DNAJB6: variants seen among roughly 807,000 people sequenced by gnomAD.
DNAJB6 encodes the protein DnaJ heat shock protein family (Hsp40) member B6, also known as dnaJ homolog subfamily B member 6.
A neutral mutation model predicts 42.7 loss-of-function variants in DNAJB6; 16 were observed. The ratio of observed to expected loss-of-function variants is 0.37; its 90% CI spans 0.25 to 0.57. The LOEUF (loss-of-function observed/expected upper bound fraction) is 0.57, where lower values mean the gene tolerates loss of function less well. Ranked by LOEUF, DNAJB6 falls within the 20% of genes least tolerant of loss-of-function variation. The pLI is 0.74. For missense variants in DNAJB6, 347 were observed against 416.8 expected, an observed-to-expected ratio of 0.83 and a Z score of 1.46; for synonymous variants, 170 against 163.5, an observed-to-expected ratio of 1.04 and a Z score of -0.30.
chr7:157,369,659 CA>C (rs1563127979), intron 5 of DNAJB6, among the ~76,000 whole-genome samples: 2 of 145,584 alleles, frequency 1.4e-5, no homozygotes, highest in African/African-American at 5.3e-5. Context: ...TATTATTAAA[CA>C]GGCCCCTTCT....
chr7:157,371,863 C>T (rs1170043539), intron 5 of DNAJB6, among the ~76,000 whole-genome samples: 3 of 152,206 alleles, frequency 2.0e-5, no homozygotes, highest in African/African-American at 7.2e-5. Flanking sequence ...CTGGGAAAAG[C>T]CTGTGGGTTT....
chr7:157,409,972 G>C lies in DNAJB6; in HGVS notation c.869G>C (p.Gly290Ala), dbSNP rs765439077. 18 of 1,534,936 alleles carry C rather than the reference G, an allele frequency of 1.2e-5. No individual in the cohort carries two copies. The African/African-American group carries it at 2.5e-4, about 21-fold the overall frequency. The change falls in exon 9 of 10, where the codon GGG becomes GCG. Residue 290 changes from glycine to alanine, a missense_variant. Gly to Ala is a moderately conservative substitution (Grantham distance 60, BLOSUM62 0). Coordinates refer to ENST00000262177, the MANE Select transcript of DNAJB6 (RefSeq NM_058246.4). ...GAGCAGGACCGACCTCGGGCACCCG[G>C]GCCCTGGGACCCCCTCGCGTCCGCA... ...EGEQDRPRAP[G>A]PWDPLASAAG... is the part of the protein sequence containing the mutation.
intron 2 of DNAJB6, among the ~76,000 whole-genome samples, chr7:157,361,203 G>C (rs1276139926): frequency 6.6e-6 from 1 of 150,906 alleles, no homozygotes; most frequent in Non-Finnish European, 1.5e-5. Flanking sequence ...ATGTCACCCA[G>C]GCTGGAGTTC....
chr7:157,345,143 G>A (rs941759523), intron 1 of DNAJB6, among the ~76,000 whole-genome samples: 2 of 151,808 alleles, frequency 1.3e-5, no homozygotes, highest in African/African-American at 2.4e-5. Flanking sequence ...ACAGGCGCCC[G>A]CCACCACACC....
chr7:157,356,828 G>A (rs1799301483), intron 1 of DNAJB6, among the ~76,000 whole-genome samples: 1 of 152,118 alleles, frequency 6.6e-6, no homozygotes, highest in Admixed American at 6.5e-5. Flanking sequence ...CTTGTAGTTG[G>A]CATATTAAAC....
At chr7:157,363,022 G>T (rs1799680644) in intron 2 of DNAJB6, 139 bp from the exon 3 acceptor site, 1 of 551,820 alleles carries the variant, frequency 1.8e-6, no homozygotes, top group Admixed American at 3.1e-5. Context: ...AGAGGAAAGG[G>T]AGGTTTTACA....
intron 5 of DNAJB6, chr7:157,380,695 A>T (rs1050185306): frequency 6.6e-6 from 1 of 152,156 alleles, no homozygotes; most frequent in Admixed American, 6.5e-5. Flanking sequence ...TCTCTTGGCC[A>T]CCTTTTCCAA....
At chr7:157,374,516 C>T (rs1433323910) in intron 5 of DNAJB6, among the ~76,000 whole-genome samples, 2 of 152,166 alleles carry the variant, frequency 1.3e-5, no homozygotes. Flanking sequence ...ACCTCGGCCA[C>T]CCAGAGTGCT....
intron 6 of DNAJB6, 53 bp downstream of exon 6, chr7:157,382,430 T>C (rs1160238080): frequency 8.4e-6 from 13 of 1,538,746 alleles, no homozygotes; most frequent in Middle Eastern, 2.4e-4. Flanking sequence ...TTAGTACTTA[T>C]AAAATCATAA....
At chr7:157,395,830 A>G (rs1801558516) in intron 8 of DNAJB6, among the ~76,000 whole-genome samples, 1 of 146,180 alleles carries the variant, frequency 6.8e-6, no homozygotes, top group Non-Finnish European at 1.5e-5. Context: ...TTCTTTTTAT[A>G]TTTTCAGTAG....
chr7:157,366,146 TCA>T (rs1799834055), intron 3 of DNAJB6, among the ~76,000 whole-genome samples: 1 of 152,118 alleles, frequency 6.6e-6, no homozygotes, highest in South Asian at 2.1e-4. Flanking sequence ...AGATGAGGTT[TCA>T]CCATATTGGC....
chr7:157,407,573 T>C (rs1795818124), intron 8 of DNAJB6, among the ~76,000 whole-genome samples: 1 of 152,046 alleles, frequency 6.6e-6, no homozygotes, highest in African/African-American at 2.4e-5. Context: ...TCCCTTCGTC[T>C]CTCCTCTCTC....
At chr7:157,354,473 T>A (rs534036447) in intron 1 of DNAJB6, among the ~76,000 whole-genome samples, 310 of 121,792 alleles carry the variant, frequency 2.5e-3, no homozygotes, top group African/African-American at 7.1e-3. Context: ...AATTTTTTTT[T>A]TAAAAAAATT....
At chr7:157,370,281 G>T (rs1304983207) in intron 5 of DNAJB6, among the ~76,000 whole-genome samples, 1 of 136,234 alleles carries the variant, frequency 7.3e-6, no homozygotes, top group Non-Finnish European at 1.6e-5. Context: ...TTTCATTAAC[G>T]TTATTATTAA....
At chr7:157,404,247 G>A (rs1288526808) in intron 8 of DNAJB6, among the ~76,000 whole-genome samples, 3 of 151,534 alleles carry the variant, frequency 2.0e-5, no homozygotes, top group African/African-American at 7.3e-5. Context: ...GTGCTGGGAT[G>A]ACAGGTGTGA....
intron 8 of DNAJB6, among the ~76,000 whole-genome samples, chr7:157,399,438 C>T (rs117678272): frequency 2.0e-5 from 3 of 152,346 alleles, no homozygotes; most frequent in Non-Finnish European, 2.9e-5. Context: ...GTTAGGACGG[C>T]ATTTTCACTG....
chr7:157,387,190 T>C (rs914711708), intron 8 of DNAJB6, among the ~76,000 whole-genome samples: 4 of 152,042 alleles, frequency 2.6e-5, no homozygotes, highest in African/African-American at 9.7e-5. Context: ...GTAAAAAATA[T>C]TTTAAGGAAT....
At chr7:157,379,260 C>G (rs576804793) in intron 5 of DNAJB6, 5 of 152,254 alleles carry the variant, frequency 3.3e-5, no homozygotes, top group African/African-American at 9.6e-5. Context: ...GACACGGGTT[C>G]AAGATGCATG....
At chr7:157,339,932 T>C (rs1279763494) in intron 1 of DNAJB6, 1 of 152,216 alleles carries the variant, frequency 6.6e-6, no homozygotes. Flanking sequence ...GGCTGTCACT[T>C]TAAAGAGTAT....
Sources: allele counts gnomAD v4.1 joint callset (sites outside exome capture counted in the v4.1 genomes callset), GRCh38; gene constraint gnomAD v4.1.1; transcripts MANE v1.5; gene names NCBI Gene and HGNC (gene_info 2026-07-23, HGNC 2026-07-21).